The following KLHL8 variants were observed in gnomAD, a reference collection of about 807,000 sequenced individuals.
The protein encoded by KLHL8 is kelch-like protein 8.
Under a neutral mutation model 63.5 loss-of-function variants are expected in KLHL8, and 38 were observed. The ratio of observed to expected loss-of-function variants is 0.60; its 90% CI spans 0.46 to 0.78. KLHL8 has a LOEUF of 0.78. Among genes scored for constraint, KLHL8 ranks in the 30% least tolerant of loss-of-function variants. The pLI is 0.00. For missense variants in KLHL8, 566 were observed against 752.4 expected (o/e 0.75, Z 2.90); for synonymous variants, 224 against 254.3 (o/e 0.88, Z 1.13).
chr4:87,189,201 C>T (rs1042346137), intron 2 of KLHL8, among the ~76,000 whole-genome samples: 21 of 152,174 alleles, frequency 1.4e-4, no homozygotes, highest in African/African-American at 4.6e-4. Context: ...AACTGGTTGC[C>T]TTTAATTGGC....
chr4:87,226,610 T>C (rs147308448), intron 1 of KLHL8, among the ~76,000 whole-genome samples: 758 of 52,470 alleles, frequency 0.014, 21 homozygotes, highest in East Asian at 0.067. Context: ...ATATATATTA[T>C]TTATATAAAT....
chr4:87,182,607 T>C (rs1329566573), intron 4 of KLHL8, among the ~76,000 whole-genome samples: 2 of 151,820 alleles, frequency 1.3e-5, no homozygotes, highest in Non-Finnish European at 2.9e-5. Context: ...GCATAATGTC[T>C]CAAAAAAAAA....
intron 1 of KLHL8, among the ~76,000 whole-genome samples, chr4:87,219,259 C>T (rs1732723693): frequency 6.6e-6 from 1 of 152,218 alleles, no homozygotes; most frequent in African/African-American, 2.4e-5. Context: ...CTGTTAGCAG[C>T]AGTCCTCTGC....
intron 1 of KLHL8, among the ~76,000 whole-genome samples, chr4:87,212,951 T>C (rs1732462006): frequency 2.0e-5 from 3 of 152,310 alleles, no homozygotes; most frequent in African/African-American, 7.2e-5. Context: ...TTCTTAAGAG[T>C]GTATCCCCAT....
intron 2 of KLHL8, among the ~76,000 whole-genome samples, chr4:87,192,960 C>T (rs865837973): frequency 6.6e-6 from 1 of 152,070 alleles, no homozygotes; most frequent in Non-Finnish European, 1.5e-5. Context: ...GCTGCAGGGC[C>T]TGAAGTGGCT....
In KLHL8 at chr4:87,170,544, A is replaced by T; in HGVS notation, c.1280T>A (p.Phe427Tyr). Residue 427 changes from phenylalanine to tyrosine, a missense_variant, in exon 7 of 10, where the codon TTC becomes TAC. Transcript: ENST00000273963. ...AIGGLDDNTC[F>Y]NDVERYDIES... ...TATGTCATATCTCTCCACATCATTG[A>T]AGCAAGTATTGTCATCTAACCCTCC... 1 of 1,614,086 alleles carries T rather than the reference A, an allele frequency of 6.2e-7. No homozygotes were observed. The highest frequency in any genetic ancestry group is 8.5e-7 in the Non-Finnish European group (1 of 1,179,936).
In KLHL8 at chr4:87,163,208, T is replaced by TAGAG. The variant is rs61336065; in HGVS notation, c.*307_*310dup. The TAGAG allele has an allele frequency of 4.9e-4, 99 of 202,410 alleles. No individual in the cohort carries two copies. The highest frequency in any genetic ancestry group is 4.0e-3 in the Middle Eastern group (2 of 496). The allele number at this position is 202,410 out of a possible 1,614,324, so 12.5% of individuals were successfully genotyped here. A position where few individuals can be genotyped will look rare whatever the true frequency, so the allele number is the denominator to read the frequency against. On this transcript the variant is annotated 3_prime_UTR_variant, in exon 10 of 10. Coordinates refer to ENST00000273963, the MANE Select transcript of KLHL8 (RefSeq NM_020803.5). ...CAAATTACATTTTGATTCATCCAAA[T>TAGAG]AGAGAGAGAGAGAGAGATTTCAAGA...
At chr4:87,230,408 G>T (rs560753803) in intron 1 of KLHL8, among the ~76,000 whole-genome samples, 4 of 152,234 alleles carry the variant, frequency 2.6e-5, no homozygotes, top group Admixed American at 6.5e-5. Context: ...GGGTGAAGAC[G>T]AATCTGGAGA....
In KLHL8 at chr4:87,232,492, C is replaced by T. The variant is rs555109518; in HGVS notation, n.57+7766G>A. 5.9e-5 allele frequency among the ~76,000 whole-genome samples: 9 copies of T among 152,302 alleles called. No homozygotes were observed. In the East Asian group the frequency reaches 9.6e-4, roughly 16 times the overall value. On this transcript the variant is annotated intron_variant and non_coding_transcript_variant, in intron 1 of 1. Transcript: ENST00000506274. ...TACAGACAATGCTGCTATGGACACT[C>T]GTGTATATGTATAAGGGTACATAGC...
At chr4:87,168,916 A>AAATT (rs958055759) in intron 8 of KLHL8, among the ~76,000 whole-genome samples, 5 of 150,966 alleles carry the variant, frequency 3.3e-5, no homozygotes, top group African/African-American at 1.2e-4. Context: ...TAGGTGGGTT[A>AAATT]AAGCGTTAAA....
intron 1 of KLHL8, among the ~76,000 whole-genome samples, chr4:87,214,438 AT>A (rs1732518404): frequency 1.2e-5 from 1 of 84,998 alleles, no homozygotes; most frequent in African/African-American, 3.2e-5. Context: ...ATATATATAT[AT>A]ATATATATAT....
At chr4:87,196,106 T>C (rs1731686043) in intron 1 of KLHL8, among the ~76,000 whole-genome samples, 3 of 151,466 alleles carry the variant, frequency 2.0e-5, no homozygotes, top group Admixed American at 6.6e-5. Flanking sequence ...TGAACCATCA[T>C]ACGTGGCCAT....
intron 1 of KLHL8, among the ~76,000 whole-genome samples, chr4:87,231,448 T>C (rs1240378817): frequency 1.3e-5 from 2 of 152,172 alleles, no homozygotes; most frequent in Non-Finnish European, 2.9e-5. Flanking sequence ...ACATGCCACC[T>C]GCAGAATAAT....
chr4:87,170,572 T>C lies in KLHL8; in HGVS notation c.1252A>G (p.Ile418Val), dbSNP rs761165036. 12 of 1,613,830 alleles carry C rather than the reference T, an allele frequency of 7.4e-6. No individual in the cohort carries two copies. The highest frequency in any genetic ancestry group is 4.4e-5 in the South Asian group (4 of 90,988). ...LASLGGPIYA[I>V]GGLDDNTCFN... ...CAAGTATTGTCATCTAACCCTCCAA[T>C]TGCATAAATTGGGCCTCCTAAGGAA... The change falls in exon 7 of 10, where the codon ATT (isoleucine) becomes GTT (valine). Residue 418 changes from isoleucine to valine, a missense_variant. Coordinates refer to ENST00000273963, the MANE Select transcript of KLHL8 (RefSeq NM_020803.5).
intron 1 of KLHL8, among the ~76,000 whole-genome samples, chr4:87,238,955 T>C (rs1392871062): frequency 6.6e-6 from 1 of 152,256 alleles, no homozygotes. Flanking sequence ...ATTTGGTCTC[T>C]CTAGTGACTT....
chr4:87,229,311 T>C (rs1011278280), intron 1 of KLHL8, among the ~76,000 whole-genome samples: 3 of 152,098 alleles, frequency 2.0e-5, no homozygotes, highest in Non-Finnish European at 4.4e-5. Context: ...ACAGATGACA[T>C]GTGATCACCT....
intron 2 of KLHL8, among the ~76,000 whole-genome samples, chr4:87,191,036 A>C (rs1731464759): frequency 6.6e-6 from 1 of 152,228 alleles, no homozygotes; most frequent in South Asian, 2.1e-4. Flanking sequence ...GAACATCCTC[A>C]ACTTTAAAGA....
Position 87,163,524 on chromosome 4 carries a change from T to G in KLHL8, c.1858A>C (p.Met620Leu). 6.2e-7 allele frequency: 1 copy of G among 1,614,048 alleles called. No homozygotes were observed. The highest frequency in any genetic ancestry group is 8.5e-7 in the Non-Finnish European group (1 of 1,179,976). Reference protein sequence around the residue: ...GHGSNNVVDCM With the variant: ...GHGSNNVVDCL ...GTTGGTGGCCAGAACTCAAATCACA[T>G]ACAGTCAACCACATTATTGGATCCA... Residue 620 changes from methionine to leucine, a missense_variant, in exon 10 of 10, where the codon ATG becomes CTG. Met to Leu is a conservative substitution (Grantham distance 15, BLOSUM62 2). Coordinates refer to ENST00000273963, the MANE Select transcript of KLHL8 (RefSeq NM_020803.5).
intron 1 of KLHL8, among the ~76,000 whole-genome samples, chr4:87,239,314 T>A (rs1005975925): frequency 6.6e-6 from 1 of 152,154 alleles, no homozygotes; most frequent in African/African-American, 2.4e-5. Context: ...TTTAAAGACA[T>A]TCAAGTGGGA....
Sources: gnomAD v4.1 joint callset for allele counts (sites outside exome capture counted in the v4.1 genomes callset) on GRCh38, gnomAD v4.1.1 for gene constraint, MANE v1.5 for transcripts, NCBI Gene and HGNC (gene_info 2026-07-23, HGNC 2026-07-21) for gene names.